ASTN1: variants seen among roughly 807,000 people sequenced by gnomAD.
ASTN1 encodes the protein astrotactin 1.
ASTN1 carries 41 observed loss-of-function variants against 140.7 expected under a neutral mutation model. The ratio of observed to expected loss-of-function variants is 0.29; its 90% confidence interval spans 0.23 to 0.38. ASTN1 has a LOEUF of 0.38. Among genes scored for constraint, ASTN1 ranks in the 10% least tolerant of loss-of-function variants. The probability of loss-of-function intolerance (pLI) is 1.00; values close to 1 mark genes in which losing one functional copy is unlikely to be tolerated. For synonymous variants in ASTN1, 640 were observed against 652.2 expected (o/e 0.98, Z 0.29); for missense variants, 1,479 against 1,678.8 (o/e 0.88, Z 2.08).
chr1:176,996,310 C>CACAG lies in ASTN1; in HGVS notation c.1523+18480_1523+18481insCTGT, dbSNP rs760390036. Among the ~76,000 whole-genome samples, 755 of 126,520 alleles carry CACAG rather than the reference C, an allele frequency of 6.0e-3. 9 individuals are homozygous for CACAG. Among genetic ancestry groups the CACAG allele is most frequent in the African/African-American group, 0.017 (631 of 37,044 alleles). The allele number at this position is 126,520 out of a possible 152,430, so 83.0% of individuals were successfully genotyped here. On this transcript the variant is annotated intron_variant, in intron 8 of 22. Coordinates refer to ENST00000361833, the MANE Select transcript of ASTN1 (RefSeq NM_004319.3). ...TCTCTCACACACACACACACACACACAGAGAGAGAGAGAGAGACAGAGACA... is the reference window on the plus strand; with the variant it reads ...TCTCTCACACACACACACACACACACACAGAGAGAGAGAGAGAGAGACAGAGACA...
At chr1:177,097,257 G>C (rs920456812) in intron 1 of ASTN1, among the ~76,000 whole-genome samples, 4 of 151,994 alleles carry the variant, frequency 2.6e-5, no homozygotes, top group Non-Finnish European at 5.9e-5. Context: ...AAATTTTCAG[G>C]GAAAGATCCC....
chr1:177,025,843 C>T (rs1373172632), intron 5 of ASTN1, among the ~76,000 whole-genome samples: 1 of 152,144 alleles, frequency 6.6e-6, no homozygotes, highest in African/African-American at 2.4e-5. Context: ...GGCTCCAGTG[C>T]TCAGGGTTTG....
chr1:177,014,967 T>A, intron 7 of ASTN1, 92 bp from the exon 8 acceptor site: 1 of 1,189,028 alleles, frequency 8.4e-7, no homozygotes. Context: ...ATAGTCAGGG[T>A]AAACTCTTAC....
At chr1:177,066,247 G>C (rs1678346660) in intron 1 of ASTN1, among the ~76,000 whole-genome samples, 1 of 152,166 alleles carries the variant, frequency 6.6e-6, no homozygotes, top group Admixed American at 6.5e-5. Context: ...GTTCCCACTG[G>C]ACCTCAGGCT....
intron 1 of ASTN1, among the ~76,000 whole-genome samples, chr1:177,131,676 A>C (rs914764467): frequency 2.6e-5 from 4 of 152,210 alleles, no homozygotes; most frequent in Non-Finnish European, 5.9e-5. Context: ...GGGTTCTGTC[A>C]GTCTGTTTAG....
chr1:177,146,427 T>A (rs1326565491), intron 1 of ASTN1, among the ~76,000 whole-genome samples: 1 of 152,206 alleles, frequency 6.6e-6, no homozygotes, highest in East Asian at 1.9e-4. Flanking sequence ...CACTGAATAT[T>A]TTGTACACTC....
In ASTN1 at chr1:177,130,392, C is replaced by G. The variant is rs1298895729; in HGVS notation, c.283+34002G>C. On this transcript the variant is annotated intron_variant, in intron 1 of 22. Transcript: ENST00000361833. The stretch of plus-strand genomic sequence containing the variant: ...ACAGGAGGCTTGAAATGAACAACAA[C>G]AAAGTAAAACAGTCTAGGATGATGA... Among the ~76,000 whole-genome samples the G allele has an allele frequency of 2.6e-5, 4 of 152,214 alleles. No homozygotes were observed. The East Asian group carries it at 7.7e-4, about 29-fold the overall frequency.
intron 17 of ASTN1, among the ~76,000 whole-genome samples, chr1:176,890,313 G>A (rs569821778): frequency 2.0e-5 from 3 of 152,342 alleles, no homozygotes; most frequent in African/African-American, 7.2e-5. Flanking sequence ...CTATGAGGAT[G>A]CAACTTTTTA....
At chr1:176,990,585 G>A (rs1167034445) in intron 8 of ASTN1, among the ~76,000 whole-genome samples, 6 of 152,152 alleles carry the variant, frequency 3.9e-5, no homozygotes, top group Non-Finnish European at 5.9e-5. Context: ...AAATGAGCAG[G>A]AAGTGAAAAT....
rs187047952 is a variant in ASTN1, at chr1:177,076,917, A to G, written c.284-15652T>C. ...TGCCTCTTTAATTATCCTGTCTAGA[A>G]AGAAAGTCTGTCATCAGGGCCGGAG... On this transcript the variant is annotated intron_variant, in intron 1 of 22. Transcript: ENST00000361833. Among the ~76,000 whole-genome samples, 274 of 152,260 alleles carry G rather than the reference A, an allele frequency of 1.8e-3. 1 individual carries two copies. Among genetic ancestry groups the G allele is most frequent in the African/African-American group, 6.2e-3 (257 of 41,554 alleles).
chr1:176,945,989 A>G lies in ASTN1; in HGVS notation c.2186T>C (p.Phe729Ser). ...CTTGGAATGGTTGTTGTAACCAAAG[A>G]ACATCTCCCCAAAGAGGGTCTGGTT... Reference protein sequence around the residue: ...PMNQTLFGEMFFGYNNHSKEV... With the variant: ...PMNQTLFGEMSFGYNNHSKEV... Residue 729 changes from phenylalanine (F) to serine (S), a missense_variant, in exon 13 of 23, where the codon TTC becomes TCC. This residue lies in a region of ASTN1 where 746 missense variants were observed against 800.9 expected (regional missense o/e 0.93). Transcript: ENST00000361833. 1 of 1,614,058 alleles carries G rather than the reference A, an allele frequency of 6.2e-7. No homozygotes were observed. Among genetic ancestry groups the G allele is most frequent in the Non-Finnish European group, 8.5e-7 (1 of 1,179,942 alleles).
At chr1:176,991,481 C>T (rs1000024736) in intron 8 of ASTN1, among the ~76,000 whole-genome samples, 14 of 117,338 alleles carry the variant, frequency 1.2e-4, no homozygotes, top group African/African-American at 3.0e-4. Flanking sequence ...CAAAAAGAAA[C>T]GCTATAGAGC....
intron 1 of ASTN1, among the ~76,000 whole-genome samples, chr1:177,161,401 C>T (rs1160846724): frequency 2.0e-5 from 3 of 152,202 alleles, no homozygotes; most frequent in Admixed American, 2.0e-4. Context: ...TTTCCTAGTC[C>T]AAGCCAAGCC....
chr1:176,952,619 G>A (rs777505112), intron 11 of ASTN1, among the ~76,000 whole-genome samples: 3 of 152,120 alleles, frequency 2.0e-5, no homozygotes, highest in Non-Finnish European at 2.9e-5. Context: ...TCTTTCTGCT[G>A]TTGCATCCAC....
chr1:177,110,993 G>C (rs966078442), intron 1 of ASTN1, among the ~76,000 whole-genome samples: 4 of 152,206 alleles, frequency 2.6e-5, no homozygotes, highest in African/African-American at 9.7e-5. Context: ...AACAAGCAAA[G>C]TGAAATTCTA....
chr1:176,863,081 G>A lies in ASTN1; in HGVS notation c.*1203C>T. The A allele has an allele frequency of 1.0e-6, 1 of 985,666 alleles. No homozygotes were observed. Among genetic ancestry groups the A allele is most frequent in the Non-Finnish European group, 1.2e-6 (1 of 829,930 alleles). 61.1% of individuals were successfully genotyped at this position (985,666 alleles called of 1,614,324 possible). A position where few individuals can be genotyped will look rare whatever the true frequency, so the allele number is the denominator to read the frequency against. ...CATTCATGACCATGCCAATGCTTGG[G>A]CAGTGGGATGGAAACAACACTCTAG... On this transcript the variant is annotated 3_prime_UTR_variant, in exon 23 of 23. Coordinates refer to ENST00000361833, the MANE Select transcript of ASTN1 (RefSeq NM_004319.3).
chr1:177,148,127 A>T (rs1682799598), intron 1 of ASTN1, among the ~76,000 whole-genome samples: 1 of 152,136 alleles, frequency 6.6e-6, no homozygotes, highest in Non-Finnish European at 1.5e-5. Context: ...CTTACAATCG[A>T]AAATTTTCAG....
intron 8 of ASTN1, among the ~76,000 whole-genome samples, chr1:176,992,194 T>G (rs570466683): frequency 6.6e-6 from 1 of 152,216 alleles, no homozygotes; most frequent in Non-Finnish European, 1.5e-5. Flanking sequence ...GGAAATAAAG[T>G]GTAAGTAAAG....
chr1:177,149,482 G>GTAAA (rs1682911225), intron 1 of ASTN1, among the ~76,000 whole-genome samples: 1 of 59,490 alleles, frequency 1.7e-5, no homozygotes, highest in Non-Finnish European at 2.6e-5. Context: ...TATATATATA[G>GTAAA]TAAATATATA....
Sources: allele counts gnomAD v4.1 joint callset (sites outside exome capture counted in the v4.1 genomes callset), GRCh38; gene constraint gnomAD v4.1.1; regional missense constraint gnomAD v4.1.1; transcripts MANE v1.5; gene names NCBI Gene and HGNC (gene_info 2026-07-23, HGNC 2026-07-21).